The following NUP210L variants were observed in gnomAD, a reference collection of about 807,000 sequenced individuals.
NUP210L encodes nuclear pore membrane glycoprotein 210-like.
NUP210L carries 74 observed loss-of-function variants against 208.5 expected under a neutral mutation model. The observed-to-expected ratio is 0.35, with a 90% CI of 0.29 to 0.43. The LOEUF is 0.43. NUP210L is among the 20% of genes least tolerant of loss of function. The pLI, the probability that NUP210L is intolerant of heterozygous loss-of-function variation, is 1.00. For synonymous variants in NUP210L, 780 were observed against 816.9 expected (o/e 0.95, Z 0.77); for missense variants, 1,843 against 2,289.4 (o/e 0.81, Z 3.98).
exon 30 of NUP210L, chr1:154,025,602 T>C (rs563588728): frequency 1.2e-6 from 2 of 1,613,992 alleles, no homozygotes; most frequent in African/African-American, 2.7e-5. Context: ...TGACTTCCAA[T>C]ACAGCAGTAC....
chr1:154,127,189 G>A (rs763493364), intron 9 of NUP210L, 122 bp downstream of exon 9: 10 of 445,824 alleles, frequency 2.2e-5, no homozygotes, highest in Admixed American at 4.2e-5. Context: ...TTGCTTTTCC[G>A]AAGGTAAAAA....
chr1:154,134,888 C>T (rs1658456413), intron 7 of NUP210L, among the ~76,000 whole-genome samples: 1 of 151,746 alleles, frequency 6.6e-6, no homozygotes. Flanking sequence ...CAGGCATGCA[C>T]CACCACGCCC....
chr1:154,137,146 CAG>C (rs1422120522), intron 6 of NUP210L, among the ~76,000 whole-genome samples: 1 of 151,980 alleles, frequency 6.6e-6, no homozygotes, highest in Non-Finnish European at 1.5e-5. Flanking sequence ...CAGCTTGGCA[CAG>C]TAGCTCACAC....
chr1:153,996,205 T>C (rs1381494833), intron 37 of NUP210L, among the ~76,000 whole-genome samples: 2 of 152,076 alleles, frequency 1.3e-5, no homozygotes, highest in African/African-American at 2.4e-5. Flanking sequence ...GGCAGAAGAA[T>C]GGCGTGAACC....
intron 22 of NUP210L, among the ~76,000 whole-genome samples, chr1:154,057,739 T>TGTGTGTGTGTG (rs1653945963): frequency 6.7e-6 from 1 of 149,146 alleles, no homozygotes; most frequent in Admixed American, 6.7e-5. Flanking sequence ...TGTGTGTGTA[T>TGTGTGTGTGTG]TTTAAGAGAT....
At chr1:154,009,632 A>G (rs1204032568) in intron 35 of NUP210L, among the ~76,000 whole-genome samples, 3 of 148,288 alleles carry the variant, frequency 2.0e-5, no homozygotes, top group Non-Finnish European at 4.5e-5. Context: ...CTTAAAAAAA[A>G]AAAAAAAAAA....
chr1:154,146,260 A>G (rs1259778901), intron 2 of NUP210L, among the ~76,000 whole-genome samples: 2 of 152,198 alleles, frequency 1.3e-5, no homozygotes, highest in East Asian at 3.8e-4. Context: ...TAACATTGAA[A>G]TATAGCCCCC....
intron 10 of NUP210L, among the ~76,000 whole-genome samples, chr1:154,121,037 G>A (rs1286832848): frequency 2.0e-5 from 3 of 152,078 alleles, no homozygotes; most frequent in Admixed American, 6.6e-5. Context: ...AGGATAGTCA[G>A]AGAAACTTTT....
At chr1:154,129,165 G>A (rs960883468) in intron 8 of NUP210L, 112 bp downstream of exon 8, 1 of 626,630 alleles carries the variant, frequency 1.6e-6, no homozygotes, top group African/African-American at 1.8e-5. Flanking sequence ...GGTTGAATTT[G>A]AAATTAAGTC....
chr1:154,031,181 T>C (rs1201791979), intron 27 of NUP210L, among the ~76,000 whole-genome samples: 1 of 152,130 alleles, frequency 6.6e-6, no homozygotes, highest in Non-Finnish European at 1.5e-5. Context: ...CTCCGCCTCC[T>C]GGGTTCAAGC....
At chr1:154,106,425 G>A (rs762030405) in intron 12 of NUP210L, among the ~76,000 whole-genome samples, 3 of 152,188 alleles carry the variant, frequency 2.0e-5, no homozygotes, top group Non-Finnish European at 2.9e-5. Flanking sequence ...CTGGGCTGGT[G>A]AGGAGCTTCC....
At chr1:154,054,255 A>G (rs767435346) in exon 25 of NUP210L, 1 of 1,614,214 alleles carries the variant, frequency 6.2e-7, no homozygotes, top group Non-Finnish European at 8.5e-7. Flanking sequence ...CTTTGCCAGT[A>G]TCTTCATTTA....
chr1:154,029,235 G>A (rs1193932976), intron 28 of NUP210L, among the ~76,000 whole-genome samples: 5 of 151,232 alleles, frequency 3.3e-5, no homozygotes, highest in Admixed American at 6.6e-5. Context: ...AAAATTAGCC[G>A]GGCATGGTGG....
intron 3 of NUP210L, among the ~76,000 whole-genome samples, chr1:154,142,905 G>A (rs1244513850): frequency 2.7e-5 from 4 of 150,516 alleles, no homozygotes. Flanking sequence ...AAAAAAGAAA[G>A]TGGCCAGGCG....
chr1:154,072,489 C>T (rs1487383074), intron 16 of NUP210L, among the ~76,000 whole-genome samples: 3 of 151,768 alleles, frequency 2.0e-5, no homozygotes, highest in Non-Finnish European at 4.4e-5. Context: ...TCTGCCACCA[C>T]GACCGGCTAA....
intron 16 of NUP210L, among the ~76,000 whole-genome samples, chr1:154,076,524 CAAA>C (rs1159645899): frequency 1.3e-5 from 2 of 151,722 alleles, no homozygotes; most frequent in African/African-American, 4.8e-5. Flanking sequence ...GAAGTTATAA[CAAA>C]AAAGAACCAA....
At chr1:154,072,619 A>G (rs1399323965) in intron 16 of NUP210L, among the ~76,000 whole-genome samples, 1 of 152,074 alleles carries the variant, frequency 6.6e-6, no homozygotes, top group East Asian at 1.9e-4. Context: ...GGCGTGAGCC[A>G]CCGCGCCTGG....
At chr1:154,003,990 G>C (rs1272236525) in intron 35 of NUP210L, among the ~76,000 whole-genome samples, 1 of 151,764 alleles carries the variant, frequency 6.6e-6, no homozygotes. Context: ...TTACTAGTCT[G>C]GTCCAGACCC....
intron 37 of NUP210L, among the ~76,000 whole-genome samples, chr1:153,996,508 G>A (rs1056487274): frequency 7.3e-5 from 11 of 150,702 alleles, no homozygotes; most frequent in East Asian, 2.0e-4. Context: ...TGCAACCTCC[G>A]CCTCCTGGGT....
Sources: allele counts gnomAD v4.1 joint callset (sites outside exome capture counted in the v4.1 genomes callset), GRCh38; gene constraint gnomAD v4.1.1; transcripts MANE v1.5; gene names NCBI Gene and HGNC (gene_info 2026-07-23, HGNC 2026-07-21).